The following LIPJ variants were observed in gnomAD, a reference collection of about 807,000 sequenced individuals.
LIPJ encodes the protein lipase family member J, also known as lipase member J.
A neutral mutation model predicts 39.8 loss-of-function variants in LIPJ; 33 were observed. The ratio of observed to expected loss-of-function variants is 0.83; its 90% confidence interval spans 0.63 to 1.11. LIPJ has a LOEUF of 1.11. Among genes scored for constraint, LIPJ ranks in the 50% least tolerant of loss-of-function variants. LIPJ has a pLI of 0.00. For synonymous variants in LIPJ, 128 were observed against 139.2 expected, an observed-to-expected ratio of 0.92 and a Z score of 0.57; for missense variants, 422 against 427.9, an observed-to-expected ratio of 0.99 and a Z score of 0.12.
chr10:88,604,776 T>C (rs937629767), intron 9 of LIPJ, among the ~76,000 whole-genome samples: 5 of 152,142 alleles, frequency 3.3e-5, no homozygotes, highest in African/African-American at 9.7e-5. Context: ...TATAGGAGCC[T>C]AGAATTTAGG....
At chr10:88,601,750 A>T (rs1254093792) in intron 8 of LIPJ, among the ~76,000 whole-genome samples, 1 of 152,026 alleles carries the variant, frequency 6.6e-6, no homozygotes, top group Admixed American at 6.6e-5. Flanking sequence ...TCTTAAAATA[A>T]TTTTTTTCAT....
At chr10:88,583,995 CAACA>C (rs1850817251), upstream of LIPJ, 1 of 152,076 alleles carries the variant, frequency 6.6e-6, no homozygotes, top group Non-Finnish European at 1.5e-5. Flanking sequence ...CTCAATGAAA[CAACA>C]AAGGCAATGG....
the LIPJ span, among the ~76,000 whole-genome samples, chr10:88,620,671 T>C: frequency 6.6e-6 from 1 of 152,216 alleles, no homozygotes; most frequent in Admixed American, 6.5e-5. Context: ...GCATAGCAGC[T>C]GGAGCTCTCT....
intron 4 of LIPJ, chr10:88,592,486 T>C (rs1395688121): frequency 2.0e-5 from 3 of 151,772 alleles, no homozygotes; most frequent in African/African-American, 7.3e-5. Context: ...ACGTGGAAAT[T>C]AGGATAAAGT....
upstream of LIPJ, chr10:88,582,933 A>G (rs968906547): frequency 1.1e-5 from 11 of 963,784 alleles, no homozygotes; most frequent in Middle Eastern, 2.3e-4. Context: ...CACTCGGCGC[A>G]TGGGCCGCGC....
chr10:88,605,542 A>G (rs1281824078), intron 9 of LIPJ, 91 bp from the exon 10 acceptor site: 7 of 819,626 alleles, frequency 8.5e-6, no homozygotes, highest in African/African-American at 1.7e-5. Flanking sequence ...GACCCAGTAC[A>G]ATGGGGGTAT....
chr10:88,598,900 T>A (rs1414932637), intron 8 of LIPJ, among the ~76,000 whole-genome samples: 1 of 148,218 alleles, frequency 6.7e-6, no homozygotes, highest in Non-Finnish European at 1.5e-5. Flanking sequence ...ATACCTGAGT[T>A]TAAATTTATA....
the LIPJ span, among the ~76,000 whole-genome samples, chr10:88,622,085 C>G: frequency 6.6e-6 from 1 of 152,198 alleles, no homozygotes; most frequent in African/African-American, 2.4e-5. Flanking sequence ...GTATGCTCCT[C>G]CTGAGCTCAC....
At chr10:88,594,968 A>T (rs1234604057) in intron 6 of LIPJ, among the ~76,000 whole-genome samples, 192 bp downstream of exon 6, 1 of 151,792 alleles carries the variant, frequency 6.6e-6, no homozygotes, top group African/African-American at 2.4e-5. Flanking sequence ...CTAGTCACAA[A>T]GAATTGATTG....
chr10:88,606,737 A>C, exon 11 of LIPJ: 1 of 1,613,620 alleles, frequency 6.2e-7, no homozygotes, highest in Non-Finnish European at 8.5e-7. Flanking sequence ...GAATGGTAAA[A>C]GTGACTTGTT....
the LIPJ span, among the ~76,000 whole-genome samples, chr10:88,614,529 A>G: frequency 2.0e-5 from 3 of 152,178 alleles, no homozygotes; most frequent in African/African-American, 4.8e-5. Context: ...AAACCTGTGT[A>G]TTAAAATACT....
chr10:88,591,381 C>A, exon 4 of LIPJ: 1 of 1,589,486 alleles, frequency 6.3e-7, no homozygotes, highest in Non-Finnish European at 8.6e-7. Context: ...TATCTAGAGC[C>A]AGATTATTTC....
At chr10:88,584,418 ATAT>A (rs1426526620), upstream of LIPJ, 1 of 152,252 alleles carries the variant, frequency 6.6e-6, no homozygotes, top group East Asian at 1.9e-4. Flanking sequence ...ATTAAAGTTA[ATAT>A]TATTTAAAAA....
chr10:88,588,604 T>A (rs1350786568), intron 2 of LIPJ, among the ~76,000 whole-genome samples: 1 of 151,924 alleles, frequency 6.6e-6, no homozygotes, highest in Non-Finnish European at 1.5e-5. Context: ...GCCATTTTCT[T>A]GTTTTCAGTT....
chr10:88,598,628 T>A (rs1392945667), intron 8 of LIPJ, among the ~76,000 whole-genome samples: 1 of 151,972 alleles, frequency 6.6e-6, no homozygotes, highest in Non-Finnish European at 1.5e-5. Flanking sequence ...GTAGAGACTC[T>A]GGTAAACATT....
At chr10:88,588,822 A>G (rs1458805962) in intron 2 of LIPJ, among the ~76,000 whole-genome samples, 1 of 151,874 alleles carries the variant, frequency 6.6e-6, no homozygotes, top group Non-Finnish European at 1.5e-5. Flanking sequence ...CACATTCTAG[A>G]CTTTAGTGAA....
chr10:88,612,508 T>G, the LIPJ span, among the ~76,000 whole-genome samples: 1 of 151,818 alleles, frequency 6.6e-6, no homozygotes, highest in East Asian at 1.9e-4. Flanking sequence ...ACACATAAGA[T>G]CTCACAGAAA....
chr10:88,602,003 T>C lies in LIPJ; in HGVS notation c.724-573T>C, dbSNP rs1851500304. Among the ~76,000 whole-genome samples, 3 of 152,168 alleles carry C rather than the reference T, an allele frequency of 2.0e-5. No individual in the cohort carries two copies. In the South Asian group the frequency reaches 6.2e-4, roughly 32 times the overall value. On this transcript the variant is annotated intron_variant, in intron 8 of 10. Coordinates refer to ENST00000371939, the Ensembl canonical transcript of LIPJ. Reference sequence around the variant, plus strand: ...GGCAATGCAAACATAGATTACAGATTAACATTATGGCTTTACCTTGGGCAC... The same window carrying C: ...GGCAATGCAAACATAGATTACAGATCAACATTATGGCTTTACCTTGGGCAC...
chr10:88,598,422 T>C (rs773843319), intron 8 of LIPJ, among the ~76,000 whole-genome samples: 4 of 151,960 alleles, frequency 2.6e-5, no homozygotes, highest in Non-Finnish European at 4.4e-5. Flanking sequence ...ACTTGGAAAA[T>C]GTATCATCAA....
Sources: allele counts gnomAD v4.1 joint callset (sites outside exome capture counted in the v4.1 genomes callset), GRCh38; gene constraint gnomAD v4.1.1; transcripts MANE v1.5; gene names NCBI Gene and HGNC (gene_info 2026-07-23, HGNC 2026-07-21).